The following ADAMTS9 variants were observed in gnomAD, a reference collection of about 807,000 sequenced individuals.
ADAMTS9 encodes the protein ADAM metallopeptidase with thrombospondin type 1 motif 9.
Under a neutral mutation model 257.1 loss-of-function variants are expected in ADAMTS9, and 107 were observed. The observed-to-expected ratio is 0.42, with a 90% CI of 0.36 to 0.49. The LOEUF is 0.49. Ranked by LOEUF, ADAMTS9 falls within the 20% of genes least tolerant of loss-of-function variation. The pLI is 0.03. For synonymous variants in ADAMTS9, 982 were observed against 880.9 expected, an observed-to-expected ratio of 1.11 and a Z score of -2.03; for missense variants, 2,353 against 2,469.1, an observed-to-expected ratio of 0.95 and a Z score of 1.00.
At chr3:64,651,716 T>C (rs1434742310) in intron 8 of ADAMTS9, among the ~76,000 whole-genome samples, 1 of 152,132 alleles carries the variant, frequency 6.6e-6, no homozygotes, top group Non-Finnish European at 1.5e-5. Flanking sequence ...TTGTGCACAA[T>C]AAAACCCATG....
chr3:64,625,998 G>C (rs1015823501), intron 16 of ADAMTS9, among the ~76,000 whole-genome samples: 1 of 152,210 alleles, frequency 6.6e-6, no homozygotes, highest in Non-Finnish European at 1.5e-5. Flanking sequence ...TCTGAAGTCT[G>C]ACCCATAAGG....
chr3:64,686,677 T>C lies in ADAMTS9; in HGVS notation c.407A>G (p.Gln136Arg). Residue 136 changes from glutamine to arginine, a missense_variant, in exon 2 of 40, where the codon CAG (glutamine) becomes CGG (arginine). By Grantham distance (43) the Gln-to-Arg change is conservative. This residue lies in a region of ADAMTS9 where 591 missense variants were observed against 569.6 expected (regional missense o/e 1.04). Transcript: ENST00000498707. This position sits in a 1 kb window ranked among gnomAD's most constrained non-coding sequence, Gnocchi z 4.6. Reference sequence around the variant, plus strand: ...TTCCTCTTCGGAATAAAACTTGGTCTGATTCACCCCGGGCGTCCCGAGGAG... The same window carrying C: ...TTCCTCTTCGGAATAAAACTTGGTCCGATTCACCCCGGGCGTCCCGAGGAG... Reference protein sequence around the residue: ...VTLLGTPGVNQTKFYSEEEAE... With the variant: ...VTLLGTPGVNRTKFYSEEEAE... 1.9e-6 allele frequency: 3 copies of C among 1,614,198 alleles called. No individual in the cohort carries two copies. Among genetic ancestry groups the C allele is most frequent in the Non-Finnish European group, 2.5e-6 (3 of 1,180,048 alleles).
intron 11 of ADAMTS9, among the ~76,000 whole-genome samples, chr3:64,645,955 A>C (rs1360755057): frequency 6.6e-6 from 1 of 152,244 alleles, no homozygotes; most frequent in African/African-American, 2.4e-5. Flanking sequence ...ACATCCTCCA[A>C]GTTATTCTGC....
In ADAMTS9 at chr3:64,633,728, T is replaced by C. The variant is rs767334673; in HGVS notation, c.2008A>G (p.Asn670Asp). 7 of 1,613,650 alleles carry C rather than the reference T, an allele frequency of 4.3e-6. No individual in the cohort carries two copies. The Admixed American group carries it at 1.2e-4, about 27-fold the overall frequency. The change falls in exon 13 of 40, where the codon AAT becomes GAT. Residue 670 changes from asparagine to aspartate, a missense_variant. By Grantham distance (23) the Asn-to-Asp change is conservative. Around this residue, in one of 3 missense-constraint regions of ADAMTS9, gnomAD observed 360 missense variants for 458.1 expected, o/e 0.79. Transcript: ENST00000498707. ...KHFNINGLLP[N>D]VRWVPKYSGI... is the part of the protein sequence containing the mutation. ...CTGTATTTAGGGACCCAGCGCACAT[T>C]GGGAAGCAGACCGTTGATGTTAAAA...
Position 64,524,151 on chromosome 3 carries a change from TTC to T in ADAMTS9, c.5719-1893_5719-1892del, listed in dbSNP as rs1206277515. Among the ~76,000 whole-genome samples, 5 of 152,230 alleles carry T rather than the reference TTC, an allele frequency of 3.3e-5. No homozygotes were observed. In the East Asian group the frequency reaches 9.6e-4, roughly 29 times the overall value. Reference sequence around the variant, plus strand: ...CACACAAATTTAAAGTGGATATATTTTCTGAGCTTAAACTGCAGTTCCAGCAC... The same window carrying T: ...CACACAAATTTAAAGTGGATATATTTTGAGCTTAAACTGCAGTTCCAGCAC... On this transcript the variant is annotated intron_variant, in intron 38 of 39. Coordinates refer to ENST00000498707, the MANE Select transcript of ADAMTS9 (RefSeq NM_182920.2).
Position 64,686,789 on chromosome 3 carries a change from G to A in ADAMTS9, c.295C>T (p.His99Tyr), listed in dbSNP as rs1701922786. The A allele has an allele frequency of 6.2e-7, 1 of 1,614,024 alleles. No homozygotes were observed. Among genetic ancestry groups the A allele is most frequent in the African/African-American group, 1.3e-5 (1 of 74,928 alleles). Reference protein sequence around the residue: ...SSSSSTSSQAHYRLSAFGQQF... With the variant: ...SSSSSTSSQAYYRLSAFGQQF... The stretch of plus-strand genomic sequence containing the variant: ...TGGCCGAAGGCAGAGAGGCGGTAAT[G>A]CGCCTGGGAGGAGGTAGAGGAGGAA... Residue 99 changes from histidine to tyrosine, a missense_variant, in exon 2 of 40, where the codon CAT becomes TAT. Transcript: ENST00000498707. The surrounding 1 kb of genome is among the most constrained non-coding windows in gnomAD (Gnocchi z 4.6).
chr3:64,608,807 C>T (rs4688488), intron 22 of ADAMTS9, among the ~76,000 whole-genome samples: 1 of 151,196 alleles, frequency 6.6e-6, no homozygotes, highest in South Asian at 2.1e-4. Context: ...ATTACCCTAA[C>T]ACCATAGCCG....
intron 3 of ADAMTS9, among the ~76,000 whole-genome samples, chr3:64,670,291 AT>A (rs1701455602): frequency 6.6e-6 from 1 of 152,210 alleles, no homozygotes; most frequent in African/African-American, 2.4e-5. Context: ...ACACATTCCC[AT>A]CAAAAAGTAC....
chr3:64,529,213 A>C (rs1461718841), intron 38 of ADAMTS9, among the ~76,000 whole-genome samples: 1 of 152,210 alleles, frequency 6.6e-6, no homozygotes, highest in African/African-American at 2.4e-5. Flanking sequence ...CCAGAGAAAG[A>C]GTGCTCTCCA....
intron 14 of ADAMTS9, among the ~76,000 whole-genome samples, chr3:64,632,525 G>T (rs899865919): frequency 6.6e-6 from 1 of 152,158 alleles, no homozygotes; most frequent in Non-Finnish European, 1.5e-5. Flanking sequence ...CCATTTTGAG[G>T]CCTGAGGCTC....
At position 64,561,580 on chromosome 3, in the gene ADAMTS9, C is replaced by T; in HGVS notation, c.4696G>A (p.Glu1566Lys). Residue 1566 changes from glutamate to lysine, a missense_variant and splice_region_variant, in exon 30 of 40, where the codon GAA becomes AAA. Physicochemically the swap from Glu to Lys is moderately conservative, Grantham distance 56. Transcript: ENST00000498707. The part of the protein sequence containing the change: ...LYTWRAEEWQ[E>K]CTKTCGEGSR... ...TACCCCTTTGTGGCTCTACTTACTT[C>T]TTGCCATTCCTCTGCCCTCCAAGTG... The T allele has an allele frequency of 6.2e-7, 1 of 1,612,614 alleles. No individual in the cohort carries two copies. Among genetic ancestry groups the T allele is most frequent in the Non-Finnish European group, 8.5e-7 (1 of 1,179,314 alleles).
At chr3:64,620,273 C>A (rs1249015666) in intron 19 of ADAMTS9, among the ~76,000 whole-genome samples, 1 of 152,164 alleles carries the variant, frequency 6.6e-6, no homozygotes, top group African/African-American at 2.4e-5. Context: ...ATAATCTGCC[C>A]TAAAGCACTA....
At chr3:64,592,894 G>A (rs1047290214) in intron 28 of ADAMTS9, 12 of 152,052 alleles carry the variant, frequency 7.9e-5, no homozygotes, top group Non-Finnish European at 1.5e-5. Context: ...AAAACACAAT[G>A]AGCTTAAGAG....
intron 4 of ADAMTS9, 83 bp downstream of exon 4, chr3:64,658,419 T>A (rs1701138152): frequency 2.2e-6 from 3 of 1,384,054 alleles, no homozygotes; most frequent in African/African-American, 1.5e-5. Context: ...TTCTGAATGG[T>A]CCTCCAAAGC....
intron 29 of ADAMTS9, among the ~76,000 whole-genome samples, chr3:64,568,093 G>T (rs1005513691): frequency 1.3e-5 from 2 of 152,014 alleles, no homozygotes; most frequent in Non-Finnish European, 2.9e-5. Flanking sequence ...AGTATTGAGG[G>T]GCTGACCTGT....
chr3:64,622,353 C>G, intron 17 of ADAMTS9, 26 bp from the exon 18 acceptor site: 1 of 1,612,812 alleles, frequency 6.2e-7, no homozygotes, highest in Non-Finnish European at 8.5e-7. Context: ...AAAACAGAAA[C>G]GAACTGGGTG....
intron 6 of ADAMTS9, 90 bp from the exon 7 acceptor site, chr3:64,654,702 C>T (rs1701019408): frequency 7.1e-7 from 1 of 1,412,382 alleles, no homozygotes. Context: ...GCATTCACAA[C>T]AGTACACACT....
intron 38 of ADAMTS9, among the ~76,000 whole-genome samples, chr3:64,528,669 C>A (rs1022473917): frequency 2.6e-5 from 4 of 152,176 alleles, no homozygotes; most frequent in Admixed American, 2.6e-4. Context: ...GTCACCTTGG[C>A]CAACTTCCGA....
intron 3 of ADAMTS9, among the ~76,000 whole-genome samples, chr3:64,660,732 A>T (rs564853569): frequency 6.6e-6 from 1 of 152,294 alleles, no homozygotes; most frequent in Non-Finnish European, 1.5e-5. Flanking sequence ...AAGAGTAGTG[A>T]TACTGGTAAT....
Sources: allele counts gnomAD v4.1 joint callset (sites outside exome capture counted in the v4.1 genomes callset), GRCh38; gene constraint gnomAD v4.1.1; regional missense constraint gnomAD v4.1.1; non-coding constraint Gnocchi (gnomAD v3.1); transcripts MANE v1.5; gene names NCBI Gene and HGNC (gene_info 2026-07-23, HGNC 2026-07-21).